Variants in FAM13C observed in about 807,000 individuals in gnomAD.
FAM13C encodes the protein protein FAM13C.
In FAM13C, 37 loss-of-function variants were observed where a neutral mutation model predicts 73.2. The ratio of observed to expected loss-of-function variants is 0.51; its 90% CI spans 0.39 to 0.67. The LOEUF (loss-of-function observed/expected upper bound fraction) is 0.67. Among genes scored for constraint, FAM13C ranks in the 30% least tolerant of loss-of-function variants. The pLI is 0.00. For synonymous variants in FAM13C, 246 were observed against 260.9 expected, an observed-to-expected ratio of 0.94 and a Z score of 0.55; for missense variants, 589 against 715.6, an observed-to-expected ratio of 0.82 and a Z score of 2.02.
intron 1 of FAM13C, chr10:59,361,072 A>G (rs899130695): frequency 5.3e-5 from 68 of 1,289,154 alleles, no homozygotes; most frequent in Middle Eastern, 2.1e-4. Context: ...CGGCCTGCAG[A>G]TGCACACTTT....
At chr10:59,345,081 G>A (rs1854120912) in intron 3 of FAM13C, among the ~76,000 whole-genome samples, 1 of 152,170 alleles carries the variant, frequency 6.6e-6, no homozygotes. Flanking sequence ...AGATGCATAG[G>A]AAGTGGCAAA....
chr10:59,279,724 G>A (rs1844722382), intron 6 of FAM13C, among the ~76,000 whole-genome samples: 1 of 152,188 alleles, frequency 6.6e-6, no homozygotes, highest in African/African-American at 2.4e-5. Flanking sequence ...ATTCCATGCT[G>A]GAAATATTTG....
At chr10:59,358,207 G>A (rs533145982) in intron 1 of FAM13C, among the ~76,000 whole-genome samples, 19 of 152,192 alleles carry the variant, frequency 1.2e-4, no homozygotes, top group Non-Finnish European at 2.2e-4. Context: ...GTAAAACCCC[G>A]TCTCTACTAA....
At chr10:59,250,611 G>C (rs2133358422) in intron 13 of FAM13C, among the ~76,000 whole-genome samples, 1 of 152,252 alleles carries the variant, frequency 6.6e-6, no homozygotes, top group East Asian at 1.9e-4. Flanking sequence ...TTGGAAAATA[G>C]TCCCTTTCCA....
intron 13 of FAM13C, 73 bp downstream of exon 13, chr10:59,251,502 A>G (rs1229301057): frequency 7.4e-7 from 1 of 1,354,100 alleles, no homozygotes; most frequent in Admixed American, 1.7e-5. Context: ...GTTCCTGCAA[A>G]AAATTGCAGC....
intron 3 of FAM13C, among the ~76,000 whole-genome samples, chr10:59,344,766 C>T (rs1201200417): frequency 6.6e-6 from 1 of 152,198 alleles, no homozygotes; most frequent in Non-Finnish European, 1.5e-5. Context: ...AATTTGAACT[C>T]ATATCCAACT....
At chr10:59,308,366 C>CTACCACCACCACCAT (rs755995284) in intron 4 of FAM13C, among the ~76,000 whole-genome samples, 39 of 151,834 alleles carry the variant, frequency 2.6e-4, no homozygotes, top group Non-Finnish European at 4.7e-4. Context: ...ACCACCACCA[C>CTACCACCACCACCAT]TACCACCACC....
chr10:59,264,357 T>C (rs929357439), intron 8 of FAM13C, among the ~76,000 whole-genome samples, 191 bp from the exon 9 acceptor site: 2 of 152,210 alleles, frequency 1.3e-5, no homozygotes, highest in Non-Finnish European at 1.5e-5. Flanking sequence ...AAGTTACCTC[T>C]AGGAAACAGT....
At chr10:59,350,989 G>T (rs1854959729) in intron 3 of FAM13C, among the ~76,000 whole-genome samples, 1 of 152,256 alleles carries the variant, frequency 6.6e-6, no homozygotes, top group Non-Finnish European at 1.5e-5. Flanking sequence ...CTCAACTATA[G>T]AAATATTACC....
intron 4 of FAM13C, 113 bp downstream of exon 4, chr10:59,323,875 G>A (rs1490991235): frequency 1.3e-5 from 12 of 908,918 alleles, no homozygotes; most frequent in Non-Finnish European, 2.2e-5. Flanking sequence ...TGACTATAAG[G>A]AATGCCAGCA....
intron 7 of FAM13C, 69 bp downstream of exon 7, chr10:59,269,830 T>C: frequency 1.3e-6 from 2 of 1,537,580 alleles, no homozygotes; most frequent in Non-Finnish European, 1.8e-6. Flanking sequence ...TCACACTTCA[T>C]TGTAGCTTAT....
chr10:59,334,616 G>C (rs1852480495), intron 3 of FAM13C, among the ~76,000 whole-genome samples: 1 of 152,106 alleles, frequency 6.6e-6, no homozygotes, highest in African/African-American at 2.4e-5. Flanking sequence ...TAGGGACATG[G>C]ATGAAGCTGG....
At chr10:59,361,981 G>T (rs761656567) in intron 1 of FAM13C, among the ~76,000 whole-genome samples, 73 of 152,162 alleles carry the variant, frequency 4.8e-4, no homozygotes, top group Non-Finnish European at 1.3e-4. Flanking sequence ...AGTTTAGCCT[G>T]TTTACCACAT....
chr10:59,296,815 G>A (rs940253342), intron 5 of FAM13C: 11 of 152,176 alleles, frequency 7.2e-5, no homozygotes, highest in African/African-American at 2.7e-4. Flanking sequence ...TGAGAGTGAT[G>A]AGGACACACA....
intron 3 of FAM13C, among the ~76,000 whole-genome samples, chr10:59,333,351 G>A (rs960860163): frequency 2.0e-5 from 3 of 152,078 alleles, no homozygotes; most frequent in African/African-American, 4.8e-5. Flanking sequence ...AGCCGGGCAC[G>A]GTGGCACATG....
chr10:59,247,574 T>G lies in FAM13C; in HGVS notation c.*40A>C. 6.2e-7 allele frequency: 1 copy of G among 1,611,446 alleles called. No individual in the cohort carries two copies. The highest frequency in any genetic ancestry group is 1.1e-5 in the South Asian group (1 of 90,502). Reference sequence around the variant, plus strand: ...ATGGCAGAGGAAAATAAACTTTACTTTATATCATGGGTGAAAGTGATCATA... The same window carrying G: ...ATGGCAGAGGAAAATAAACTTTACTGTATATCATGGGTGAAAGTGATCATA... On this transcript the variant is annotated 3_prime_UTR_variant, in exon 14 of 14. Transcript: ENST00000618804.
At chr10:59,318,394 T>A (rs996440271) in intron 4 of FAM13C, among the ~76,000 whole-genome samples, 3 of 152,084 alleles carry the variant, frequency 2.0e-5, no homozygotes, top group African/African-American at 7.2e-5. Context: ...GGAGGGGGAA[T>A]TATTTTTATC....
At chr10:59,307,838 G>A (rs976727844) in intron 4 of FAM13C, among the ~76,000 whole-genome samples, 1 of 152,076 alleles carries the variant, frequency 6.6e-6, no homozygotes, top group African/African-American at 2.4e-5. Flanking sequence ...AACAGAAGGC[G>A]AGAAAAGAAA....
At chr10:59,319,181 A>G (rs997980942) in intron 4 of FAM13C, among the ~76,000 whole-genome samples, 29 of 152,218 alleles carry the variant, frequency 1.9e-4, no homozygotes, top group African/African-American at 4.8e-4. Context: ...TGCTGCCAAC[A>G]AAACTTCCTC....
Sources: gnomAD v4.1 joint callset for allele counts (sites outside exome capture counted in the v4.1 genomes callset) on GRCh38, gnomAD v4.1.1 for gene constraint, MANE v1.5 for transcripts, NCBI Gene and HGNC (gene_info 2026-07-23, HGNC 2026-07-21) for gene names.